The following CHST5 variants were observed in gnomAD, a reference collection of about 807,000 sequenced individuals.
CHST5 encodes carbohydrate sulfotransferase 5.
For missense variants in CHST5, 637 were observed against 602.1 expected, an observed-to-expected ratio of 1.06 and a Z score of -0.61; for synonymous variants, 313 against 279.2, an observed-to-expected ratio of 1.12 and a Z score of -1.21.
Position 75,529,701 on chromosome 16 carries a change from G to C in CHST5, c.684C>G (p.Ala228=), listed in dbSNP as rs751728377. ...RIVHLVRDPR[A]VLRSREAAGP... ...CCGCCGCCTCCCGGGAGCGCAGCAC[G>C]GCCCGCGGGTCGCGCACCAGGTGCA... The change falls in exon 4 of 4, where the codon GCC becomes GCG. Residue 228 remains alanine (A), a synonymous_variant. Transcript: ENST00000336257. The C allele has an allele frequency of 1.6e-5, 25 of 1,611,016 alleles. No individual in the cohort carries two copies. Among genetic ancestry groups the C allele is most frequent in the East Asian group, 2.2e-5 (1 of 44,800 alleles).
chr16:75,533,402 G>C (rs1400723221), intron 2 of CHST5, among the ~76,000 whole-genome samples: 1 of 152,052 alleles, frequency 6.6e-6, no homozygotes, highest in Non-Finnish European at 1.5e-5. Flanking sequence ...GGCAGGGCAG[G>C]GGCTTAAGTC....
Position 75,535,192 on chromosome 16 carries a change from C to A in CHST5, c.-1417G>T, listed in dbSNP as rs938707944. The A allele has an allele frequency of 2.0e-5, 3 of 152,362 alleles. No homozygotes were observed. Among genetic ancestry groups the A allele is most frequent in the African/African-American group, 7.2e-5 (3 of 41,474 alleles). The allele number at this position is 152,362 out of a possible 1,614,324, so 9.4% of individuals were successfully genotyped here. Reference sequence around the variant, plus strand: ...AGAGGGACGCCTCTCCCCCTGGGCTCAGCAAAAGCTCCCAGACGTCGTCTC... The same window carrying A: ...AGAGGGACGCCTCTCCCCCTGGGCTAAGCAAAAGCTCCCAGACGTCGTCTC... On this transcript the variant is annotated 5_prime_UTR_variant, in exon 2 of 4. Coordinates refer to ENST00000336257, the MANE Select transcript of CHST5 (RefSeq NM_024533.5).
chr16:75,530,811 T>C lies in CHST5; in HGVS notation c.-427A>G. 9.8e-7 allele frequency: 1 copy of C among 1,015,644 alleles called. No homozygotes were observed. The highest frequency in any genetic ancestry group is 1.2e-6 in the Non-Finnish European group (1 of 836,428). The allele number at this position is 1,015,644 out of a possible 1,614,324, so 62.9% of individuals were successfully genotyped here. On this transcript the variant is annotated 5_prime_UTR_variant, in exon 4 of 4. Transcript: ENST00000336257. ...CTCTGCCACTTCCTAGCCTATGATCTTGCTTATGAAGATCACTTAAATCTC... is the reference window on the plus strand; with the variant it reads ...CTCTGCCACTTCCTAGCCTATGATCCTGCTTATGAAGATCACTTAAATCTC...
At chr16:75,534,996 A>C (rs1399771158) in intron 2 of CHST5, 131 bp downstream of exon 2, 1 of 152,142 alleles carries the variant, frequency 6.6e-6, no homozygotes, top group Non-Finnish European at 1.5e-5. Context: ...TGGAAAAGCC[A>C]CCCCCAGCTC....
chr16:75,532,105 A>T (rs2080527785), intron 3 of CHST5, among the ~76,000 whole-genome samples: 1 of 152,108 alleles, frequency 6.6e-6, no homozygotes, highest in South Asian at 2.1e-4. Context: ...TTCCTTACAC[A>T]CATGCCCCTG....
chr16:75,535,615 G>T (rs992898813), intron 1 of CHST5, among the ~76,000 whole-genome samples: 1 of 152,186 alleles, frequency 6.6e-6, no homozygotes, highest in African/African-American at 2.4e-5. Flanking sequence ...ACGTGGCTGC[G>T]GTCCCAGGGT....
chr16:75,530,423 G>T lies in CHST5; in HGVS notation c.-39C>A. ...TACTGCCCAGTGCCCTCAGGGATCA[G>T]CCCTCAGATTCGGCTACCCTACCCA... is the stretch of plus-strand genomic sequence containing the variant. On this transcript the variant is annotated 5_prime_UTR_variant, in exon 4 of 4. It adds an upstream start codon to the 5' untranslated region. Transcript: ENST00000336257. 6.8e-7 allele frequency: 1 copy of T among 1,477,316 alleles called. No homozygotes were observed. The allele number at this position is 1,477,316 out of a possible 1,614,324, so 91.5% of individuals were successfully genotyped here.
At chr16:75,532,619 A>G (rs2080533197) in intron 3 of CHST5, among the ~76,000 whole-genome samples, 2 of 152,146 alleles carry the variant, frequency 1.3e-5, no homozygotes, top group South Asian at 4.1e-4. Flanking sequence ...TGCCTTCTGG[A>G]TCCCCACACC....
intron 3 of CHST5, among the ~76,000 whole-genome samples, chr16:75,532,358 T>C (rs575130120): frequency 6.6e-6 from 1 of 152,296 alleles, no homozygotes; most frequent in South Asian, 2.1e-4. Flanking sequence ...TAAAGTGTTC[T>C]TCTGTTTGCA....
In CHST5 at chr16:75,529,679, C is replaced by T. The variant is rs955459603; in HGVS notation, c.706G>A (p.Ala236Thr). The T allele has an allele frequency of 1.9e-6, 3 of 1,610,246 alleles. No homozygotes were observed. Among genetic ancestry groups the T allele is most frequent in the East Asian group, 4.5e-5 (2 of 44,770 alleles). The change falls in exon 4 of 4, where the codon GCG becomes ACG. Residue 236 changes from alanine to threonine, a missense_variant. Physicochemically the swap from Ala to Thr is moderately conservative, Grantham distance 58. Coordinates refer to ENST00000336257, the MANE Select transcript of CHST5 (RefSeq NM_024533.5). ...PRAVLRSREA[A>T]GPILARDNGI... Reference sequence around the variant, plus strand: ...TTGTCGCGTGCCAGTATCGGGCCCGCCGCCTCCCGGGAGCGCAGCACGGCC... The same window carrying T: ...TTGTCGCGTGCCAGTATCGGGCCCGTCGCCTCCCGGGAGCGCAGCACGGCC...
At chr16:75,535,723 G>A (rs1050223064) in intron 1 of CHST5, among the ~76,000 whole-genome samples, 1 of 152,142 alleles carries the variant, frequency 6.6e-6, no homozygotes, top group African/African-American at 2.4e-5. Flanking sequence ...ATGTCTCGGG[G>A]AGGGGCGCTG....
chr16:75,530,332 G>T lies in CHST5; in HGVS notation c.53C>A (p.Pro18Gln). 6.3e-7 allele frequency: 1 copy of T among 1,592,410 alleles called. No homozygotes were observed. The highest frequency in any genetic ancestry group is 8.5e-7 in the Non-Finnish European group (1 of 1,170,070). Reference protein sequence around the residue: ...PKVAHSTRRPPAARMWLPRFS... With the variant: ...PKVAHSTRRPQAARMWLPRFS... ...CCGTGGCAGCCACATGCGGGCGGCT[G>T]GGGGCCTTCGGGTGGAGTGGGCAAC... Residue 18 changes from proline to glutamine, a missense_variant, in exon 4 of 4, where the codon CCA (proline) becomes CAA (glutamine). Physicochemically the swap from Pro to Gln is moderately conservative, Grantham distance 76. Transcript: ENST00000336257.
At chr16:75,535,868 A>AC (rs1043474532) in intron 1 of CHST5, among the ~76,000 whole-genome samples, 176 bp downstream of exon 1, 13 of 151,706 alleles carry the variant, frequency 8.6e-5, no homozygotes, top group East Asian at 5.8e-4. Flanking sequence ...ACCCTTCCTC[A>AC]CCCCCCCAAT....
At chr16:75,534,884 A>C (rs983266976) in intron 2 of CHST5, among the ~76,000 whole-genome samples, 1 of 152,218 alleles carries the variant, frequency 6.6e-6, no homozygotes, top group East Asian at 1.9e-4. Flanking sequence ...CCGCACCCCG[A>C]CCCCTGCCCT....
chr16:75,531,335 A>C lies in CHST5; in HGVS notation c.-951T>G, dbSNP rs537209621. On this transcript the variant is annotated 5_prime_UTR_variant, in exon 4 of 4. Coordinates refer to ENST00000336257, the MANE Select transcript of CHST5 (RefSeq NM_024533.5). ...GACTCCGTTTCAAAAAAAAAAAAAA[A>C]AACAACAAAAAAAAAACTTTTGTCA... 3.7e-4 allele frequency: 379 copies of C among 1,017,406 alleles called. No homozygotes were observed. Among genetic ancestry groups the C allele is most frequent in the African/African-American group, 2.8e-3 (139 of 49,010 alleles). The allele number at this position is 1,017,406 out of a possible 1,614,324, so 63.0% of individuals were successfully genotyped here.
intron 1 of CHST5, among the ~76,000 whole-genome samples, 46 bp from the exon 2 acceptor site, chr16:75,535,455 G>T (rs989496223): frequency 3.3e-5 from 5 of 152,190 alleles, no homozygotes; most frequent in African/African-American, 1.2e-4. Context: ...GAGGATGGGG[G>T]TGTCCTGGGG....
In CHST5 at chr16:75,529,372, A is replaced by ATT. The variant is rs1401481995; in HGVS notation, c.1011_1012dup (p.Ile338LysfsTer81). 6.2e-7 allele frequency: 1 copy of ATT among 1,613,110 alleles called. No individual in the cohort carries two copies. Among genetic ancestry groups the ATT allele is most frequent in the South Asian group, 1.1e-5 (1 of 91,076 alleles). On this transcript the variant is annotated frameshift_variant, in exon 4 of 4. Coordinates refer to ENST00000336257, the MANE Select transcript of CHST5 (RefSeq NM_024533.5). LOFTEE classifies it low-confidence loss of function (END_TRUNC). The stretch of plus-strand genomic sequence containing the variant: ...CCTAGACGAAGTATGGAAGGCCTCG[A>ATT]TTGGCTTGCCGATCCCCGACCCGTG...
At chr16:75,534,084 CATGCCTGTAATCCCAGTGTTTTGGG>C (rs1476354205) in intron 2 of CHST5, among the ~76,000 whole-genome samples, 1 of 149,086 alleles carries the variant, frequency 6.7e-6, no homozygotes, top group Non-Finnish European at 1.5e-5. Context: ...TGCGGTGACT[CATGCCTGTAATCCCAGTGTTTTGGG>C]AGGCCAAGAT....
intron 1 of CHST5, among the ~76,000 whole-genome samples, chr16:75,535,747 C>T (rs536652560): frequency 6.6e-6 from 1 of 152,174 alleles, no homozygotes; most frequent in African/African-American, 2.4e-5. Flanking sequence ...GAGGGCAGAG[C>T]AGGAGGGCCC....
Sources: gnomAD v4.1 joint callset for allele counts (sites outside exome capture counted in the v4.1 genomes callset) on GRCh38, gnomAD v4.1.1 for gene constraint, MANE v1.5 for transcripts, NCBI Gene and HGNC (gene_info 2026-07-23, HGNC 2026-07-21) for gene names.